The following ADGRG7 variants were observed in gnomAD, a reference collection of about 807,000 sequenced individuals.
ADGRG7 encodes G-protein coupled receptor 128.
Under a neutral mutation model 88.6 loss-of-function variants are expected in ADGRG7, and 82 were observed. The observed-to-expected ratio is 0.93, with a 90% CI of 0.77 to 1.11. ADGRG7 has a LOEUF of 1.11. Ranked by LOEUF, ADGRG7 falls within the 50% of genes most tolerant of loss-of-function variation. The pLI, the probability that ADGRG7 is intolerant of heterozygous loss-of-function variation, is 0.00. For synonymous variants in ADGRG7, 381 were observed against 345.2 expected, an observed-to-expected ratio of 1.10 and a Z score of -1.15; for missense variants, 945 against 953.4, an observed-to-expected ratio of 0.99 and a Z score of 0.12.
chr3:100,620,962 A>G (rs1365604227), intron 1 of ADGRG7, among the ~76,000 whole-genome samples: 1 of 152,014 alleles, frequency 6.6e-6, no homozygotes, highest in Non-Finnish European at 1.5e-5. Flanking sequence ...TTCTCACAAT[A>G]TGTCAAACTT....
At chr3:100,669,699 A>G (rs2149035184) in intron 15 of ADGRG7, among the ~76,000 whole-genome samples, 1 of 152,242 alleles carries the variant, frequency 6.6e-6, no homozygotes, top group Admixed American at 6.5e-5. Flanking sequence ...TGTTACAAAC[A>G]ATCAAATTAT....
intron 11 of ADGRG7, among the ~76,000 whole-genome samples, chr3:100,651,617 G>T (rs907644450): frequency 6.6e-6 from 1 of 152,138 alleles, no homozygotes; most frequent in Non-Finnish European, 1.5e-5. Flanking sequence ...GCCAAGGCAG[G>T]AGGATTGCTT....
chr3:100,653,785 T>C (rs2094933442), intron 11 of ADGRG7, among the ~76,000 whole-genome samples: 1 of 152,164 alleles, frequency 6.6e-6, no homozygotes, highest in South Asian at 2.1e-4. Context: ...CAGAGGACTT[T>C]CATGCAATTT....
intron 1 of ADGRG7, among the ~76,000 whole-genome samples, chr3:100,623,301 G>A (rs1442796199): frequency 6.6e-6 from 1 of 152,052 alleles, no homozygotes; most frequent in Non-Finnish European, 1.5e-5. Context: ...TATTCAGTTA[G>A]TCTAGCACCA....
intron 15 of ADGRG7, among the ~76,000 whole-genome samples, chr3:100,686,721 T>C (rs1181356703): frequency 1.3e-5 from 2 of 152,244 alleles, no homozygotes; most frequent in Admixed American, 1.3e-4. Flanking sequence ...CTCTGTTCTG[T>C]TCCAATGGTC....
intron 15 of ADGRG7, among the ~76,000 whole-genome samples, chr3:100,691,441 A>G (rs9290147): frequency 0.33 from 50,274 of 151,856 alleles, 8,839 homozygotes; most frequent in East Asian, 0.54. Context: ...GAAATCACCC[A>G]TCTTCTGCAT....
chr3:100,625,087 T>G (rs927264404), intron 1 of ADGRG7, among the ~76,000 whole-genome samples: 2 of 152,178 alleles, frequency 1.3e-5, no homozygotes, highest in Non-Finnish European at 2.9e-5. Flanking sequence ...TCAATGGTAG[T>G]TTGATGCGAA....
At chr3:100,687,780 A>C (rs1346503064) in intron 15 of ADGRG7, among the ~76,000 whole-genome samples, 2 of 152,212 alleles carry the variant, frequency 1.3e-5, no homozygotes, top group Non-Finnish European at 2.9e-5. Context: ...TCGGTTTGCC[A>C]GTATTTTATT....
At chr3:100,615,053 T>C (rs968341130) in intron 1 of ADGRG7, among the ~76,000 whole-genome samples, 1 of 152,226 alleles carries the variant, frequency 6.6e-6, no homozygotes, top group African/African-American at 2.4e-5. Context: ...AAAAGGAAGC[T>C]GATGCTGCCT....
intron 1 of ADGRG7, among the ~76,000 whole-genome samples, chr3:100,614,615 A>C (rs1046981175): frequency 1.3e-5 from 2 of 152,164 alleles, no homozygotes; most frequent in Non-Finnish European, 2.9e-5. Flanking sequence ...ATTAGGACAA[A>C]TGAGAGATGC....
intron 1 of ADGRG7, among the ~76,000 whole-genome samples, chr3:100,627,063 CT>C (rs765118356): frequency 2.6e-5 from 4 of 151,926 alleles, no homozygotes; most frequent in Non-Finnish European, 5.9e-5. Flanking sequence ...ACTTTTGTTT[CT>C]TTTTCCTGCG....
At chr3:100,617,663 C>G (rs530097700) in intron 1 of ADGRG7, among the ~76,000 whole-genome samples, 1 of 151,982 alleles carries the variant, frequency 6.6e-6, no homozygotes, top group Non-Finnish European at 1.5e-5. Context: ...TGAATAGTGC[C>G]GCAATAAACA....
chr3:100,682,912 C>CGG (rs1443122939), intron 15 of ADGRG7, among the ~76,000 whole-genome samples: 1 of 152,134 alleles, frequency 6.6e-6, no homozygotes, highest in Non-Finnish European at 1.5e-5. Context: ...AGGAAGACCC[C>CGG]CCTGCCTGGG....
chr3:100,659,942 G>A, intron 14 of ADGRG7, 99 bp downstream of exon 14: 7 of 1,154,320 alleles, frequency 6.1e-6, no homozygotes, highest in Non-Finnish European at 8.7e-6. Context: ...TTCAAACTGA[G>A]ACAATGGCAG....
At position 100,694,734 on chromosome 3, in the gene ADGRG7, C is replaced by T. The variant is rs1381736873; in HGVS notation, c.2137-10C>T. The T allele has an allele frequency of 6.2e-7, 1 of 1,610,450 alleles. No homozygotes were observed. The highest frequency in any genetic ancestry group is 1.1e-5 in the South Asian group (1 of 90,780). Reference sequence around the variant, plus strand: ...ACTTACCCAACATTAAACTTTTGTTCTATCTGCAGGGATTGCAAATTTTTA... The same window carrying T: ...ACTTACCCAACATTAAACTTTTGTTTTATCTGCAGGGATTGCAAATTTTTA... On this transcript the variant is annotated splice_polypyrimidine_tract_variant and intron_variant, in intron 15 of 15. Transcript: ENST00000273352.
At chr3:100,693,201 A>G (rs755844731) in intron 15 of ADGRG7, among the ~76,000 whole-genome samples, 1 of 152,192 alleles carries the variant, frequency 6.6e-6, no homozygotes, top group Non-Finnish European at 1.5e-5. Context: ...TTATTGTACC[A>G]ACAGAAATTT....
chr3:100,666,861 A>T (rs761839424), intron 14 of ADGRG7, among the ~76,000 whole-genome samples: 2 of 152,170 alleles, frequency 1.3e-5, no homozygotes, highest in African/African-American at 2.4e-5. Flanking sequence ...CTTAAGGAGC[A>T]CGCTGCCTTC....
rs141051456 is a variant in ADGRG7, at chr3:100,615,812, T to C, written c.115+5841T>C. 6.2e-3 allele frequency among the ~76,000 whole-genome samples: 945 copies of C among 152,246 alleles called. 10 individuals carry two copies. The highest frequency in any genetic ancestry group is 0.022 in the African/African-American group (918 of 41,552). On this transcript the variant is annotated intron_variant, in intron 1 of 15. Transcript: ENST00000273352. ...CCATATGAGGGGCAGCAAGCACTGG[T>C]GCAATTTCAATGCATTCAGGGGGAC... is the stretch of plus-strand genomic sequence containing the variant.
intron 1 of ADGRG7, among the ~76,000 whole-genome samples, chr3:100,610,679 C>CT (rs1181755062): frequency 6.6e-6 from 1 of 152,162 alleles, no homozygotes. Flanking sequence ...TTCAATGATC[C>CT]TAATGCTGGA....
Sources: gnomAD v4.1 joint callset for allele counts (sites outside exome capture counted in the v4.1 genomes callset) on GRCh38, gnomAD v4.1.1 for gene constraint, MANE v1.5 for transcripts, NCBI Gene and HGNC (gene_info 2026-07-23, HGNC 2026-07-21) for gene names.